Variants in PTPRD observed in about 807,000 individuals in gnomAD.
PTPRD encodes the protein protein tyrosine phosphatase receptor type D.
In PTPRD, 34 loss-of-function variants were observed where a neutral mutation model predicts 214.5. The ratio of observed to expected loss-of-function variants is 0.16; its 90% CI spans 0.12 to 0.21. The LOEUF (loss-of-function observed/expected upper bound fraction) is 0.21, where lower values mean the gene tolerates loss of function less well. Ranked by LOEUF, PTPRD falls within the 10% of genes least tolerant of loss-of-function variation. The pLI is 1.00. For missense variants in PTPRD, 2,545 were observed against 2,398.7 expected (o/e 1.06, Z -1.27); for synonymous variants, 1,128 against 845.7 (o/e 1.33, Z -5.79).
intron 4 of PTPRD, among the ~76,000 whole-genome samples, chr9:9,969,374 A>G (rs1232729395): frequency 6.6e-6 from 1 of 152,058 alleles, no homozygotes; most frequent in East Asian, 1.9e-4. Context: ...TCCTACTCCC[A>G]CCAATAGGGT....
chr9:9,377,492 T>G (rs2140144717), intron 9 of PTPRD, among the ~76,000 whole-genome samples: 1 of 152,288 alleles, frequency 6.6e-6, no homozygotes, highest in East Asian at 1.9e-4. Context: ...ATACATCATC[T>G]CATCCATATA....
At chr9:10,342,374 A>G (rs1297821623) in intron 2 of PTPRD, among the ~76,000 whole-genome samples, 1 of 152,124 alleles carries the variant, frequency 6.6e-6, no homozygotes, top group Non-Finnish European at 1.5e-5. Flanking sequence ...AAACTTCAAT[A>G]CTATTGCCTG....
intron 5 of PTPRD, among the ~76,000 whole-genome samples, chr9:9,882,023 T>C (rs962887516): frequency 2.0e-5 from 3 of 152,108 alleles, no homozygotes; most frequent in African/African-American, 7.2e-5. Flanking sequence ...GTGTAACACT[T>C]TGCAAGTTCT....
intron 4 of PTPRD, among the ~76,000 whole-genome samples, chr9:9,948,747 G>A (rs1380057484): frequency 1.3e-5 from 2 of 151,972 alleles, no homozygotes; most frequent in African/African-American, 4.8e-5. Flanking sequence ...TAAGAGAAAG[G>A]AGATTTATTA....
At chr9:10,516,460 T>C (rs778562735) in intron 2 of PTPRD, among the ~76,000 whole-genome samples, 2 of 151,988 alleles carry the variant, frequency 1.3e-5, no homozygotes, top group African/African-American at 2.4e-5. Flanking sequence ...TCCTTATGTA[T>C]ATTAAAAATT....
chr9:8,644,325 C>T (rs1053216982), intron 12 of PTPRD, among the ~76,000 whole-genome samples: 1 of 152,146 alleles, frequency 6.6e-6, no homozygotes, highest in Non-Finnish European at 1.5e-5. Context: ...AGAGAAGATG[C>T]CCACTATGGG....
intron 3 of PTPRD, among the ~76,000 whole-genome samples, chr9:10,235,617 G>A (rs1230531159): frequency 1.3e-5 from 2 of 151,942 alleles, no homozygotes; most frequent in Non-Finnish European, 2.9e-5. Flanking sequence ...AACACCAGCT[G>A]GTCTGGTAGT....
At chr9:9,618,355 A>T (rs542954182) in intron 7 of PTPRD, among the ~76,000 whole-genome samples, 1 of 152,118 alleles carries the variant, frequency 6.6e-6, no homozygotes, top group African/African-American at 2.4e-5. Flanking sequence ...ACTACACTTT[A>T]ACCTCTTTTT....
At chr9:8,337,667 A>G (rs12335445) in intron 43 of PTPRD, among the ~76,000 whole-genome samples, 2 of 152,168 alleles carry the variant, frequency 1.3e-5, no homozygotes, top group East Asian at 1.9e-4. Flanking sequence ...ACTTTAAAAA[A>G]AAAAAGGTGA....
intron 3 of PTPRD, among the ~76,000 whole-genome samples, chr9:10,233,964 C>T (rs933839916): frequency 6.6e-6 from 1 of 151,558 alleles, no homozygotes; most frequent in Non-Finnish European, 1.5e-5. Flanking sequence ...TCTTAATAAC[C>T]ACCCAGAATG....
chr9:10,039,629 G>A (rs1312572088), intron 3 of PTPRD, among the ~76,000 whole-genome samples: 1 of 151,776 alleles, frequency 6.6e-6, no homozygotes, highest in Non-Finnish European at 1.5e-5. Flanking sequence ...AGCTATCTGT[G>A]TTCTAAGGAA....
At chr9:9,259,313 T>C (rs549135344) in intron 9 of PTPRD, among the ~76,000 whole-genome samples, 1 of 151,982 alleles carries the variant, frequency 6.6e-6, no homozygotes, top group African/African-American at 2.4e-5. Context: ...CAGAAAAAGA[T>C]ATCTGCTACA....
intron 4 of PTPRD, among the ~76,000 whole-genome samples, chr9:9,960,190 AAAGGAGT>A (rs1382488742): frequency 6.6e-6 from 1 of 151,348 alleles, no homozygotes; most frequent in African/African-American, 2.4e-5. Flanking sequence ...AAAAATGAAA[AAAGGAGT>A]ATGAAAAAAG....
chr9:8,332,574 C>G (rs1842527286), intron 43 of PTPRD, among the ~76,000 whole-genome samples: 1 of 152,064 alleles, frequency 6.6e-6, no homozygotes, highest in Non-Finnish European at 1.5e-5. Context: ...AGCAGTCTTT[C>G]TTTTTTAGAG....
chr9:9,931,564 T>A (rs934414014), intron 5 of PTPRD, among the ~76,000 whole-genome samples: 1 of 152,104 alleles, frequency 6.6e-6, no homozygotes, highest in African/African-American at 2.4e-5. Flanking sequence ...CGCACGTGGC[T>A]CGGAGGGTCC....
chr9:9,155,722 G>T (rs1304040270), intron 10 of PTPRD, among the ~76,000 whole-genome samples: 1 of 152,100 alleles, frequency 6.6e-6, no homozygotes, highest in Non-Finnish European at 1.5e-5. Context: ...GATAATCATC[G>T]ACCTACATCA....
chr9:9,833,703 T>C (rs947403600), intron 5 of PTPRD, among the ~76,000 whole-genome samples: 1 of 146,170 alleles, frequency 6.8e-6, no homozygotes, highest in African/African-American at 2.5e-5. Context: ...TTCAGAGACC[T>C]ACCCCTAGGT....
chr9:8,445,809 G>A (rs955354769), intron 34 of PTPRD, among the ~76,000 whole-genome samples: 1 of 152,166 alleles, frequency 6.6e-6, no homozygotes, highest in Non-Finnish European at 1.5e-5. Context: ...GGCTGGGTTG[G>A]TGATTCTTTT....
At chr9:9,756,722 G>C (rs2098587157) in intron 6 of PTPRD, among the ~76,000 whole-genome samples, 1 of 152,060 alleles carries the variant, frequency 6.6e-6, no homozygotes, top group African/African-American at 2.4e-5. Flanking sequence ...TATTTTTATG[G>C]TATATGAATT....
Sources: allele counts gnomAD v4.1 joint callset (sites outside exome capture counted in the v4.1 genomes callset), GRCh38; gene constraint gnomAD v4.1.1; transcripts MANE v1.5; gene names NCBI Gene and HGNC (gene_info 2026-07-23, HGNC 2026-07-21).